COL24A1: variants seen among roughly 807,000 people sequenced by gnomAD.
The protein encoded by COL24A1 is collagen alpha-1(XXIV) chain.
In COL24A1, 224 loss-of-function variants were observed where a neutral mutation model predicts 253.9. That is an observed-to-expected ratio of 0.88 (90% CI 0.79 to 0.99). COL24A1 has a LOEUF of 0.99. Among genes scored for constraint, COL24A1 ranks in the 50% least tolerant of loss-of-function variants. The pLI, the probability that COL24A1 is intolerant of heterozygous loss-of-function variation, is 0.00. For synonymous variants in COL24A1, 685 were observed against 673.7 expected, an observed-to-expected ratio of 1.02 and a Z score of -0.26; for missense variants, 2,131 against 2,068.5, an observed-to-expected ratio of 1.03 and a Z score of -0.59.
chr1:85,947,541 T>G (rs868181932), intron 24 of COL24A1, among the ~76,000 whole-genome samples: 16 of 152,234 alleles, frequency 1.1e-4, no homozygotes, highest in Non-Finnish European at 4.4e-5. Flanking sequence ...CTCCTGTAAG[T>G]ATATCTATTG....
At chr1:86,034,065 C>T (rs1180683398) in intron 12 of COL24A1, 142 bp from the exon 13 acceptor site, 46 of 531,178 alleles carry the variant, frequency 8.7e-5, no homozygotes, top group Admixed American at 1.3e-4. Flanking sequence ...TTGCATAACA[C>T]GCTTAATTGA....
chr1:86,060,309 G>A (rs1700989797), intron 8 of COL24A1, among the ~76,000 whole-genome samples: 1 of 152,112 alleles, frequency 6.6e-6, no homozygotes, highest in South Asian at 2.1e-4. Context: ...AGAAGAAAGT[G>A]TGTTGAGCTG....
At chr1:86,120,230 G>A (rs939158734) in intron 3 of COL24A1, among the ~76,000 whole-genome samples, 1 of 152,158 alleles carries the variant, frequency 6.6e-6, no homozygotes, top group Non-Finnish European at 1.5e-5. Flanking sequence ...ACACAGGCAT[G>A]GGCAAGGATT....
intron 20 of COL24A1, among the ~76,000 whole-genome samples, chr1:85,982,451 T>C (rs1571466348): frequency 6.6e-6 from 1 of 152,126 alleles, no homozygotes; most frequent in Admixed American, 6.5e-5. Context: ...ATTTAAACCC[T>C]TTAATTTTCT....
chr1:85,734,666 C>T, intron 59 of COL24A1, 83 bp downstream of exon 59: 1 of 1,249,704 alleles, frequency 8.0e-7, no homozygotes, highest in South Asian at 1.3e-5. Context: ...TAATTAAAGT[C>T]TTACTCTAAT....
rs952116845 is a variant in COL24A1, at chr1:86,110,953, G to A, written c.1599+1614C>T. On this transcript the variant is annotated intron_variant, in intron 5 of 59. Transcript: ENST00000370571. ...TGCCGGCAAGTGGAGTGGGACTGGC[G>A]GGCAGCTCCGACCGTTGCCCCTGCA... Among the ~76,000 whole-genome samples, 70 of 152,198 alleles carry A rather than the reference G, an allele frequency of 4.6e-4. 1 individual carries two copies. The highest frequency in any genetic ancestry group is 3.9e-4 in the Admixed American group (6 of 15,280).
chr1:85,880,476 T>C (rs1681697498), intron 32 of COL24A1, among the ~76,000 whole-genome samples: 2 of 152,136 alleles, frequency 1.3e-5, no homozygotes, highest in Non-Finnish European at 2.9e-5. Flanking sequence ...GAAAGACAGT[T>C]TTATTTCTTC....
At chr1:85,762,136 C>G (rs1666906916) in intron 53 of COL24A1, among the ~76,000 whole-genome samples, 1 of 152,090 alleles carries the variant, frequency 6.6e-6, no homozygotes, top group African/African-American at 2.4e-5. Flanking sequence ...CAAAGCGAAG[C>G]AATAATTACT....
chr1:85,965,011 T>C lies in COL24A1; in HGVS notation c.2515A>G (p.Lys839Glu), dbSNP rs1691424514. Residue 839 changes from lysine (K) to glutamate (E), a missense_variant and splice_region_variant, in exon 23 of 60, where the codon AAG becomes GAG. Lys to Glu is a moderately conservative substitution (Grantham distance 56). Coordinates refer to ENST00000370571, the MANE Select transcript of COL24A1 (RefSeq NM_152890.7). ...YAGEPGPEGLKGEVGDQGNIG... is the reference protein window; with the variant it reads ...YAGEPGPEGLEGEVGDQGNIG... The stretch of plus-strand genomic sequence containing the variant: ...GATAATAAAGTCAGTTGCTTTACCT[T>C]TAAGCCTTCTGGTCCTGGTTCACCT... The C allele has an allele frequency of 1.2e-6, 2 of 1,610,434 alleles. No homozygotes were observed. The highest frequency in any genetic ancestry group is 1.7e-6 in the Non-Finnish European group (2 of 1,177,804).
chr1:86,050,344 A>T (rs1299169552), intron 10 of COL24A1, among the ~76,000 whole-genome samples, 167 bp from the exon 11 acceptor site: 1 of 152,184 alleles, frequency 6.6e-6, no homozygotes, highest in South Asian at 2.1e-4. Flanking sequence ...GAAGTTAAAG[A>T]TCAATCTTCC....
At chr1:85,997,007 T>C (rs1350599321) in intron 19 of COL24A1, among the ~76,000 whole-genome samples, 1 of 132,982 alleles carries the variant, frequency 7.5e-6, no homozygotes, top group East Asian at 2.2e-4. Flanking sequence ...TTGTTTTCTT[T>C]CATATATATA....
chr1:86,156,167 C>A, intron 1 of COL24A1, 174 bp downstream of exon 1: 1 of 582,612 alleles, frequency 1.7e-6, no homozygotes, highest in Non-Finnish European at 3.1e-6. Context: ...CTTTCAAACA[C>A]GGTATTTTGC....
At chr1:85,858,669 T>TTCCTTCCTTCCA (rs1678777476) in intron 37 of COL24A1, among the ~76,000 whole-genome samples, 3 of 147,614 alleles carry the variant, frequency 2.0e-5, no homozygotes, top group Admixed American at 2.0e-4. Flanking sequence ...CCTTCCTTCC[T>TTCCTTCCTTCCA]TCCTTCCTTC....
intron 12 of COL24A1, among the ~76,000 whole-genome samples, chr1:86,035,916 A>G (rs778230199): frequency 6.6e-5 from 10 of 151,942 alleles, no homozygotes; most frequent in Non-Finnish European, 1.0e-4. Flanking sequence ...ATTTTTCCCC[A>G]CCTAGGAGAG....
At chr1:85,986,039 A>G (rs1208175261) in intron 20 of COL24A1, among the ~76,000 whole-genome samples, 1 of 151,826 alleles carries the variant, frequency 6.6e-6, no homozygotes, top group East Asian at 1.9e-4. Flanking sequence ...ATTCCTACTC[A>G]TTCATGTAGG....
In COL24A1 at chr1:86,031,868, T is replaced by C. The variant is rs773114789; in HGVS notation, c.2049+10A>G. On this transcript the variant is annotated intron_variant, in intron 14 of 59. Coordinates refer to ENST00000370571, the MANE Select transcript of COL24A1 (RefSeq NM_152890.7). ...TTTTCTTAAGAATGATGATATTTAG[T>C]GATACTCACTCTAAGCCCAGGAAAC... 67 of 1,596,814 alleles carry C rather than the reference T, an allele frequency of 4.2e-5. No individual in the cohort carries two copies.
At chr1:85,901,824 C>CAAAAAA (rs55862441) in intron 28 of COL24A1, among the ~76,000 whole-genome samples, 906 of 57,702 alleles carry the variant, frequency 0.016, 141 homozygotes, top group East Asian at 0.035. Context: ...GACTCCGTCT[C>CAAAAAA]AAAAAAAAAA....
At chr1:85,913,856 AC>A (rs1267117004) in intron 24 of COL24A1, among the ~76,000 whole-genome samples, 2 of 152,140 alleles carry the variant, frequency 1.3e-5, no homozygotes, top group African/African-American at 4.8e-5. Flanking sequence ...GGTTTGGGTC[AC>A]CCCATGTCTT....
rs1677295299 is a variant in COL24A1, at chr1:85,847,748, TG to T, written c.3378del (p.Thr1127GlnfsTer31). On this transcript the variant is annotated frameshift_variant, in exon 39 of 60. Coordinates refer to ENST00000370571, the MANE Select transcript of COL24A1 (RefSeq NM_152890.7). LOFTEE classifies it high-confidence loss of function. The stretch of plus-strand genomic sequence containing the variant: ...GGACCTCTGCTTCCAACTTCTCCTG[TG>T]GGTCCTATTTGTCCTTTATCACCCT... The part of the protein sequence containing the change: ...GKKGDKGQIG[P>X]TGEVGSRGPP... 1 of 1,613,736 alleles carries T rather than the reference TG, an allele frequency of 6.2e-7. No homozygotes were observed. The highest frequency in any genetic ancestry group is 1.3e-5 in the African/African-American group (1 of 74,900).
Sources: gnomAD v4.1 joint callset for allele counts (sites outside exome capture counted in the v4.1 genomes callset) on GRCh38, gnomAD v4.1.1 for gene constraint, MANE v1.5 for transcripts, NCBI Gene and HGNC (gene_info 2026-07-23, HGNC 2026-07-21) for gene names.